CKAP5: variants seen among roughly 807,000 people sequenced by gnomAD.
CKAP5 encodes the protein cytoskeleton associated protein 5, also known as cytoskeleton-associated protein 5.
A neutral mutation model predicts 232.8 loss-of-function variants in CKAP5; 27 were observed. The observed-to-expected ratio is 0.12, with a 90% CI of 0.09 to 0.16. CKAP5 has a LOEUF of 0.16. Ranked by LOEUF, CKAP5 falls within the 10% of genes least tolerant of loss-of-function variation. The pLI is 1.00. For missense variants in CKAP5, 1,838 were observed against 2,424.7 expected (o/e 0.76, Z 5.08); for synonymous variants, 785 against 841.1 (o/e 0.93, Z 1.16).
intron 2 of CKAP5, among the ~76,000 whole-genome samples, chr11:46,819,403 A>C (rs1565751925): frequency 6.6e-6 from 1 of 152,322 alleles, no homozygotes; most frequent in East Asian, 1.9e-4. Flanking sequence ...ATGCAGGACT[A>C]TGAAGGCCAA....
Position 46,760,785 on chromosome 11 carries a change from C to CTT in CKAP5, c.4222-2_4222-1insAA, listed in dbSNP as rs761627100. 6.8e-6 allele frequency: 11 copies of CTT among 1,611,228 alleles called. No homozygotes were observed. The highest frequency in any genetic ancestry group is 6.8e-6 in the Non-Finnish European group (8 of 1,179,070). On this transcript the variant is annotated splice_acceptor_variant, in intron 32 of 43. Coordinates refer to ENST00000529230, the MANE Select transcript of CKAP5 (RefSeq NM_001008938.4). LOFTEE classifies it high-confidence loss of function. ...GCATGCTCATATCCTTTTCAGAAAG[C>CTT]TGTAAAGAGGCCAAATTTAGAAACC...
At chr11:46,842,541 C>G (rs1453380807) in intron 1 of CKAP5, among the ~76,000 whole-genome samples, 2 of 152,086 alleles carry the variant, frequency 1.3e-5, no homozygotes, top group Non-Finnish European at 2.9e-5. Context: ...TTCGAGAAGC[C>G]TTATCAAATG....
intron 29 of CKAP5, 66 bp downstream of exon 29, chr11:46,763,415 T>C (rs1376606966): frequency 2.8e-6 from 4 of 1,427,658 alleles, no homozygotes; most frequent in Non-Finnish European, 3.8e-6. Context: ...AACTTCAGAT[T>C]ATTTCATAGG....
chr11:46,794,692 T>C (rs1057468097), intron 13 of CKAP5, among the ~76,000 whole-genome samples: 3 of 151,612 alleles, frequency 2.0e-5, no homozygotes, highest in Non-Finnish European at 4.4e-5. Context: ...AAAAATAAGC[T>C]GGGTATGGTG....
intron 20 of CKAP5, 98 bp from the exon 21 acceptor site, chr11:46,778,697 T>A: frequency 1.1e-6 from 1 of 940,876 alleles, no homozygotes. Context: ...CATTCCTTTG[T>A]AATACCTATT....
intron 24 of CKAP5, among the ~76,000 whole-genome samples, chr11:46,775,941 C>G (rs1444811896): frequency 6.6e-6 from 1 of 152,200 alleles, no homozygotes; most frequent in Non-Finnish European, 1.5e-5. Context: ...CCTGCATGTT[C>G]TGCACATGTA....
At chr11:46,807,933 T>A in intron 8 of CKAP5, 98 bp downstream of exon 8, 3 of 779,254 alleles carry the variant, frequency 3.8e-6, no homozygotes, top group Non-Finnish European at 6.4e-6. Flanking sequence ...GTAATGTTCC[T>A]TAAGTGGCAA....
At chr11:46,809,701 T>C in intron 6 of CKAP5, 41 bp downstream of exon 6, 1 of 1,611,282 alleles carries the variant, frequency 6.2e-7, no homozygotes, top group Non-Finnish European at 8.5e-7. Context: ...GTGCCAGTTC[T>C]TGCTAATTTT....
At chr11:46,763,762 G>C (rs2065176469) in intron 28 of CKAP5, 132 bp from the exon 29 acceptor site, 1 of 544,480 alleles carries the variant, frequency 1.8e-6, no homozygotes, top group Non-Finnish European at 2.9e-6. Context: ...AATTAAATAT[G>C]AATGCAAATT....
intron 1 of CKAP5, among the ~76,000 whole-genome samples, chr11:46,829,694 A>C (rs1939732737): frequency 6.6e-6 from 1 of 152,178 alleles, no homozygotes; most frequent in African/African-American, 2.4e-5. Context: ...GGGGTGTCTA[A>C]AATTATATGT....
In CKAP5 at chr11:46,787,697, G is replaced by A. The variant is rs191299171; in HGVS notation, c.1968+984C>T. Among the ~76,000 whole-genome samples, 420 of 151,986 alleles carry A rather than the reference G, an allele frequency of 2.8e-3. 2 individuals carry two copies. Among genetic ancestry groups the A allele is most frequent in the African/African-American group, 9.6e-3 (398 of 41,496 alleles). ...AGGAGGCTTCTAGGCCTAAAAATGAGAAGAAAAAAATGTATATATCTAAAT... is the reference window on the plus strand; with the variant it reads ...AGGAGGCTTCTAGGCCTAAAAATGAAAAGAAAAAAATGTATATATCTAAAT... On this transcript the variant is annotated intron_variant, in intron 16 of 43. Transcript: ENST00000529230.
At chr11:46,825,455 G>T (rs918341726) in intron 1 of CKAP5, among the ~76,000 whole-genome samples, 2 of 152,074 alleles carry the variant, frequency 1.3e-5, no homozygotes, top group African/African-American at 4.8e-5. Flanking sequence ...CCTGTATTTT[G>T]ATAGTCTATA....
At chr11:46,771,119 C>T (rs2065244287) in intron 24 of CKAP5, 137 bp from the exon 25 acceptor site, 3 of 636,144 alleles carry the variant, frequency 4.7e-6, no homozygotes, top group Non-Finnish European at 7.9e-6. Flanking sequence ...GAAATCAGTA[C>T]TTTTCATAAT....
At chr11:46,793,679 T>C (rs552787037) in intron 13 of CKAP5, among the ~76,000 whole-genome samples, 3 of 152,350 alleles carry the variant, frequency 2.0e-5, no homozygotes, top group Non-Finnish European at 4.4e-5. Flanking sequence ...TTCCAGCACT[T>C]TGAGGGGCTG....
At chr11:46,767,756 G>A in intron 26 of CKAP5, 93 bp from the exon 27 acceptor site, 1 of 756,384 alleles carries the variant, frequency 1.3e-6, no homozygotes, top group Non-Finnish European at 2.1e-6. Flanking sequence ...AAGGAAGCTT[G>A]CAGTCTTAAA....
chr11:46,811,318 G>C, intron 4 of CKAP5, 140 bp from the exon 5 acceptor site: 1 of 657,320 alleles, frequency 1.5e-6, no homozygotes. Context: ...GGCAACAAAA[G>C]AAAAGGAACT....
At chr11:46,784,461 G>C (rs761469368) in intron 17 of CKAP5, 27 bp downstream of exon 17, 1 of 1,554,488 alleles carries the variant, frequency 6.4e-7, no homozygotes, top group South Asian at 1.2e-5. Flanking sequence ...GGGAAAACTA[G>C]AGGAATAAGA....
chr11:46,783,839 G>A (rs1434786551), intron 17 of CKAP5, among the ~76,000 whole-genome samples: 1 of 151,750 alleles, frequency 6.6e-6, no homozygotes, highest in Non-Finnish European at 1.5e-5. Flanking sequence ...CCTAGTAGCT[G>A]GCATTACAGG....
chr11:46,762,435 T>C (rs751733805), intron 31 of CKAP5, 192 bp downstream of exon 31: 20 of 870,280 alleles, frequency 2.3e-5, no homozygotes, highest in Admixed American at 8.5e-5. Context: ...ACCAGGGTGA[T>C]ACTGAGTGGT....
Sources: allele counts gnomAD v4.1 joint callset (sites outside exome capture counted in the v4.1 genomes callset), GRCh38; gene constraint gnomAD v4.1.1; transcripts MANE v1.5; gene names NCBI Gene and HGNC (gene_info 2026-07-23, HGNC 2026-07-21).